Variants in SMCHD1 observed in about 807,000 individuals in gnomAD.
SMCHD1 encodes structural maintenance of chromosomes flexible hinge domain containing 1.
Under a neutral mutation model 254.7 loss-of-function variants are expected in SMCHD1, and 78 were observed. The ratio of observed to expected loss-of-function variants is 0.31; its 90% CI spans 0.26 to 0.37. SMCHD1 has a LOEUF of 0.37. SMCHD1 is among the 10% of genes least tolerant of loss of function. The pLI is 1.00. For missense variants in SMCHD1, 1,840 were observed against 2,408.1 expected, an observed-to-expected ratio of 0.76 and a Z score of 4.94; for synonymous variants, 766 against 794.9, an observed-to-expected ratio of 0.96 and a Z score of 0.61.
intron 5 of SMCHD1, among the ~76,000 whole-genome samples, chr18:2,675,523 A>G (rs1289434691): frequency 6.6e-6 from 1 of 152,090 alleles, no homozygotes; most frequent in Non-Finnish European, 1.5e-5. Context: ...TCAGCCTCCC[A>G]TAGTGCTAGG....
intron 44 of SMCHD1, among the ~76,000 whole-genome samples, chr18:2,780,350 G>A (rs2143796151): frequency 6.6e-6 from 1 of 151,182 alleles, no homozygotes; most frequent in African/African-American, 2.4e-5. Context: ...AATGGTATTT[G>A]GCATCTTCAT....
intron 5 of SMCHD1, among the ~76,000 whole-genome samples, chr18:2,678,227 C>CTTTCTTTCTT (rs1555627945): frequency 2.5e-4 from 33 of 131,764 alleles, no homozygotes; most frequent in Non-Finnish European, 4.0e-4. Context: ...CTTTCTTTTT[C>CTTTCTTTCTT]TTTCTTTCTT....
At chr18:2,771,304 A>G (rs1440072324) in intron 39 of SMCHD1, among the ~76,000 whole-genome samples, 2 of 152,304 alleles carry the variant, frequency 1.3e-5, no homozygotes, top group East Asian at 1.9e-4. Context: ...TTTGCAGTAT[A>G]TCATATCTCC....
Position 2,738,495 on chromosome 18 carries a change from G to A in SMCHD1, c.3375G>A (p.Gln1125=), listed in dbSNP as rs749490704. The change falls in exon 26 of 48, where the codon CAG becomes CAA. Residue 1125 remains glutamine (Q), a synonymous_variant. Coordinates refer to ENST00000320876, the MANE Select transcript of SMCHD1 (RefSeq NM_015295.3). ...PTSVKDMRYC[Q]VSFQDDHVSL... ...CTGTAAAAGATATGCGCTATTGCCA[G>A]GTTTCATTCCAAGATGATCATGTGT... The A allele has an allele frequency of 6.2e-7, 1 of 1,612,648 alleles. No individual in the cohort carries two copies. Among genetic ancestry groups the A allele is most frequent in the Non-Finnish European group, 8.5e-7 (1 of 1,179,328 alleles).
intron 1 of SMCHD1, among the ~76,000 whole-genome samples, chr18:2,663,204 CAG>C (rs1239672802): frequency 2.0e-5 from 3 of 152,096 alleles, no homozygotes; most frequent in Non-Finnish European, 2.9e-5. Flanking sequence ...TTCCCAGGCT[CAG>C]GGGATCGTCC....
intron 22 of SMCHD1, chr18:2,726,857 G>A (rs1426434560): frequency 6.4e-6 from 1 of 155,872 alleles, no homozygotes; most frequent in Non-Finnish European, 1.4e-5. Flanking sequence ...ATTTTAAGAA[G>A]AAAAACTTCT....
chr18:2,761,673 T>C (rs927217040), intron 35 of SMCHD1, among the ~76,000 whole-genome samples: 12 of 152,104 alleles, frequency 7.9e-5, no homozygotes, highest in Non-Finnish European at 1.2e-4. Context: ...AAAAATCATC[T>C]GGGCGTGGTG....
chr18:2,735,643 GCCAAATCAGTAACACAGT>G (rs1338460824), intron 25 of SMCHD1, among the ~76,000 whole-genome samples: 1 of 152,112 alleles, frequency 6.6e-6, no homozygotes, highest in Non-Finnish European at 1.5e-5. Context: ...TAAGCTGAAA[GCCAAATCAGTAACACAGT>G]CCCATTTACG....
At chr18:2,791,107 T>G (rs1365506197) in intron 45 of SMCHD1, among the ~76,000 whole-genome samples, 2 of 151,800 alleles carry the variant, frequency 1.3e-5, no homozygotes, top group Non-Finnish European at 2.9e-5. Context: ...CAGTAAGCAG[T>G]TAGAAGATAT....
At chr18:2,789,796 A>T (rs898765563) in intron 45 of SMCHD1, among the ~76,000 whole-genome samples, 1 of 152,196 alleles carries the variant, frequency 6.6e-6, no homozygotes, top group Non-Finnish European at 1.5e-5. Flanking sequence ...TGTTCTGTAG[A>T]GATCTTGGGA....
intron 39 of SMCHD1, among the ~76,000 whole-genome samples, chr18:2,770,377 A>G (rs1274869540): frequency 1.3e-5 from 2 of 152,218 alleles, no homozygotes; most frequent in Admixed American, 6.5e-5. Flanking sequence ...TTTCTACATA[A>G]TAATAATGTT....
intron 12 of SMCHD1, 24 bp downstream of exon 12, chr18:2,700,942 G>T (rs878960315): frequency 6.8e-7 from 1 of 1,466,022 alleles, no homozygotes; most frequent in Non-Finnish European, 9.2e-7. Flanking sequence ...ATATAAAGTT[G>T]TGAATATTTG....
chr18:2,771,350 A>G (rs1010112493), intron 39 of SMCHD1, among the ~76,000 whole-genome samples, 183 bp from the exon 40 acceptor site: 3 of 152,246 alleles, frequency 2.0e-5, no homozygotes, highest in Middle Eastern at 3.4e-3. Context: ...TCATTTTTGT[A>G]TATCAGAATT....
chr18:2,727,713 T>TA (rs1302518073), intron 22 of SMCHD1, among the ~76,000 whole-genome samples: 1 of 152,080 alleles, frequency 6.6e-6, no homozygotes, highest in Non-Finnish European at 1.5e-5. Flanking sequence ...ATGATAATAG[T>TA]AACGTCTTCA....
chr18:2,764,539 G>A (rs1038258006), intron 37 of SMCHD1, among the ~76,000 whole-genome samples: 9 of 152,072 alleles, frequency 5.9e-5, no homozygotes, highest in African/African-American at 2.2e-4. Flanking sequence ...TTTCTTCTAT[G>A]TATAGTCAGC....
chr18:2,728,744 T>G (rs1319470106), intron 23 of SMCHD1, 148 bp downstream of exon 23: 4 of 221,588 alleles, frequency 1.8e-5, no homozygotes, highest in Non-Finnish European at 1.8e-5. Flanking sequence ...TGCCAATAGT[T>G]TTTTTTTTTT....
chr18:2,689,195 CTTTG>C (rs2074116755), intron 7 of SMCHD1, among the ~76,000 whole-genome samples: 1 of 145,744 alleles, frequency 6.9e-6, no homozygotes, highest in African/African-American at 2.5e-5. Flanking sequence ...TTCAACTCTT[CTTTG>C]TTTGAAACAT....
intron 37 of SMCHD1, among the ~76,000 whole-genome samples, chr18:2,767,759 T>A (rs2075895912): frequency 6.6e-6 from 1 of 151,586 alleles, no homozygotes; most frequent in Admixed American, 6.6e-5. Context: ...CCCAGCTGAT[T>A]TTTGTTTTTT....
At chr18:2,659,841 A>G (rs2073193394) in intron 1 of SMCHD1, among the ~76,000 whole-genome samples, 1 of 152,040 alleles carries the variant, frequency 6.6e-6, no homozygotes, top group African/African-American at 2.4e-5. Flanking sequence ...ATGGAGCCAC[A>G]TTAAAAGCTG....
Sources: gnomAD v4.1 joint callset for allele counts (sites outside exome capture counted in the v4.1 genomes callset) on GRCh38, gnomAD v4.1.1 for gene constraint, MANE v1.5 for transcripts, NCBI Gene and HGNC (gene_info 2026-07-23, HGNC 2026-07-21) for gene names.